MYO1D: variants seen among roughly 807,000 people sequenced by gnomAD.
The protein encoded by MYO1D is myosin ID, also known as unconventional myosin-Id.
Under a neutral mutation model 122.0 loss-of-function variants are expected in MYO1D, and 83 were observed. The ratio of observed to expected loss-of-function variants is 0.68; its 90% CI spans 0.57 to 0.82. The LOEUF (loss-of-function observed/expected upper bound fraction) is 0.82. MYO1D is among the 40% of genes least tolerant of loss of function. MYO1D has a pLI of 0.00. For missense variants in MYO1D, 1,157 were observed against 1,269.5 expected (o/e 0.91, Z 1.35); for synonymous variants, 464 against 446.9 (o/e 1.04, Z -0.48).
chr17:32,856,177 T>G (rs1406409046), intron 1 of MYO1D, among the ~76,000 whole-genome samples: 1 of 152,114 alleles, frequency 6.6e-6, no homozygotes, highest in Non-Finnish European at 1.5e-5. Flanking sequence ...CACAAAGACT[T>G]CTGTTGTATG....
chr17:32,712,015 G>A lies in MYO1D; in HGVS notation c.2094C>T (p.Leu698=), dbSNP rs371860612. 3 of 1,613,916 alleles carry A rather than the reference G, an allele frequency of 1.9e-6. No individual in the cohort carries two copies. Among genetic ancestry groups the A allele is most frequent in the African/African-American group, 2.7e-5 (2 of 74,900 alleles). Residue 698 remains leucine, a synonymous_variant, in exon 16 of 22, where the codon CTC becomes CTT. Transcript: ENST00000318217. ...FTLEELRAQM[L]IRIVLFLQKV... ...TTTGTAGAAAGAGGACAATCCTTATGAGCATCTGGGCACGGAGTTCTTCCA... is the reference window on the plus strand; with the variant it reads ...TTTGTAGAAAGAGGACAATCCTTATAAGCATCTGGGCACGGAGTTCTTCCA...
At chr17:32,563,525 C>T (rs576356388) in intron 21 of MYO1D, among the ~76,000 whole-genome samples, 5 of 152,106 alleles carry the variant, frequency 3.3e-5, no homozygotes, top group Admixed American at 1.3e-4. Context: ...CCTGCAATTA[C>T]GGTGATTTCT....
intron 1 of MYO1D, 60 bp from the exon 2 acceptor site, chr17:32,780,844 G>C (rs2090229913): frequency 6.7e-7 from 1 of 1,482,936 alleles, no homozygotes; most frequent in African/African-American, 1.4e-5. Context: ...TGATGTATCT[G>C]TCCTGTGAGT....
chr17:32,680,824 T>C (rs1433032916), intron 16 of MYO1D, among the ~76,000 whole-genome samples: 1 of 152,216 alleles, frequency 6.6e-6, no homozygotes, highest in Non-Finnish European at 1.5e-5. Context: ...TCAGAAGGAA[T>C]GGTACCAGTT....
intron 11 of MYO1D, among the ~76,000 whole-genome samples, chr17:32,750,476 G>A (rs1353363145): frequency 2.0e-5 from 3 of 152,158 alleles, no homozygotes; most frequent in East Asian, 3.9e-4. Flanking sequence ...TTAGCCGGGC[G>A]TGGTGGCAGA....
Position 32,772,856 on chromosome 17 carries a change from C to T in MYO1D, c.565-14G>A, listed in dbSNP as rs1353861541. ...AATCACTCGAGACTAAGAAAAAACA[C>T]ATTAAAATGGTTAACCCGAAAATGT... is the stretch of plus-strand genomic sequence containing the variant. On this transcript the variant is annotated splice_polypyrimidine_tract_variant and intron_variant, in intron 4 of 21. Coordinates refer to ENST00000318217, the MANE Select transcript of MYO1D (RefSeq NM_015194.3). 1 of 1,611,652 alleles carries T rather than the reference C, an allele frequency of 6.2e-7. No individual in the cohort carries two copies. The highest frequency in any genetic ancestry group is 1.3e-5 in the African/African-American group (1 of 74,862).
intron 15 of MYO1D, among the ~76,000 whole-genome samples, chr17:32,719,503 ACCACGCCCGGCT>A (rs950898198): frequency 4.5e-4 from 69 of 152,204 alleles, no homozygotes; most frequent in Admixed American, 4.2e-3. Context: ...GGCGCCCGCC[ACCACGCCCGGCT>A]AATTTTTTGT....
intron 20 of MYO1D, among the ~76,000 whole-genome samples, chr17:32,624,883 C>T (rs149863544): frequency 6.0e-4 from 91 of 151,846 alleles, no homozygotes; most frequent in Middle Eastern, 3.4e-3. Context: ...CTCCGCCTCC[C>T]GGGTTCAAGC....
At chr17:32,869,149 G>A in intron 1 of MYO1D, among the ~76,000 whole-genome samples, 1 of 151,962 alleles carries the variant, frequency 6.6e-6, no homozygotes, top group African/African-American at 2.4e-5. Flanking sequence ...AACCTGGGAT[G>A]CAGAGGATGC....
At chr17:32,838,412 T>C (rs2090847485) in intron 1 of MYO1D, among the ~76,000 whole-genome samples, 1 of 152,176 alleles carries the variant, frequency 6.6e-6, no homozygotes, top group Non-Finnish European at 1.5e-5. Flanking sequence ...CTTATAATTA[T>C]TTCATTTGAC....
intron 21 of MYO1D, among the ~76,000 whole-genome samples, chr17:32,572,660 A>G (rs1259725889): frequency 6.6e-6 from 1 of 152,132 alleles, no homozygotes; most frequent in Non-Finnish European, 1.5e-5. Flanking sequence ...GAGGCCTTCA[A>G]TGATCTGGCC....
intron 1 of MYO1D, among the ~76,000 whole-genome samples, chr17:32,792,816 G>T (rs772940137): frequency 2.8e-4 from 43 of 151,802 alleles, no homozygotes; most frequent in Admixed American, 5.2e-4. Context: ...CCAATTTTTT[G>T]ATTTTTCTGT....
chr17:32,497,560 G>A (rs1212246660), intron 21 of MYO1D: 2 of 152,240 alleles, frequency 1.3e-5, no homozygotes, highest in African/African-American at 4.8e-5. Context: ...CTTCCCACAC[G>A]GGCTGGGCTG....
rs548328379 is a variant in MYO1D at position 32,808,381 on chromosome 17, A to AG, written c.96-27598_96-27597insC. On this transcript the variant is annotated intron_variant, in intron 1 of 21. Coordinates refer to ENST00000318217, the MANE Select transcript of MYO1D (RefSeq NM_015194.3). ...GAGCCTGTCTCTTTAAAAAAAAAAA[A>AG]AAAAGTAAATTTGAAAGAAATATTT... 2.0e-3 allele frequency among the ~76,000 whole-genome samples: 302 copies of AG among 152,180 alleles called. 3 individuals carry two copies. The highest frequency in any genetic ancestry group is 7.1e-3 in the African/African-American group (294 of 41,512).
intron 1 of MYO1D, among the ~76,000 whole-genome samples, chr17:32,795,227 G>A (rs1278160743): frequency 3.3e-5 from 5 of 152,080 alleles, no homozygotes; most frequent in East Asian, 1.9e-4. Context: ...AATTAAACCC[G>A]ATCCCCTGAA....
intron 1 of MYO1D, among the ~76,000 whole-genome samples, chr17:32,801,906 G>A (rs921655878): frequency 6.6e-6 from 1 of 152,230 alleles, no homozygotes; most frequent in Non-Finnish European, 1.5e-5. Context: ...AGTTCTCACA[G>A]AATGACAGAC....
intron 1 of MYO1D, among the ~76,000 whole-genome samples, chr17:32,819,395 T>C (rs1393824423): frequency 6.6e-6 from 1 of 152,156 alleles, no homozygotes. Flanking sequence ...ATTCAGTCCA[T>C]TCCCCTCCGT....
intron 17 of MYO1D, 29 bp from the exon 18 acceptor site, chr17:32,654,650 A>T: frequency 1.3e-6 from 2 of 1,543,908 alleles, no homozygotes; most frequent in Non-Finnish European, 1.7e-6. Context: ...CATGTATTAG[A>T]CTTTAGAAAT....
chr17:32,732,068 C>T (rs1047616823), intron 14 of MYO1D, among the ~76,000 whole-genome samples: 9 of 152,336 alleles, frequency 5.9e-5, no homozygotes, highest in Admixed American at 5.9e-4. Context: ...TGCTGATATG[C>T]CAGCCCCCTG....
Sources: allele counts gnomAD v4.1 joint callset (sites outside exome capture counted in the v4.1 genomes callset), GRCh38; gene constraint gnomAD v4.1.1; transcripts MANE v1.5; gene names NCBI Gene and HGNC (gene_info 2026-07-23, HGNC 2026-07-21).